FER1L6: variants seen among roughly 807,000 people sequenced by gnomAD.
FER1L6 encodes the protein fer-1 like family member 6, also known as fer-1-like protein 6.
A neutral mutation model predicts 219.2 loss-of-function variants in FER1L6; 177 were observed. The observed-to-expected ratio is 0.81, with a 90% CI of 0.71 to 0.91. The LOEUF (loss-of-function observed/expected upper bound fraction) is 0.91, where lower values mean the gene tolerates loss of function less well. FER1L6 is among the 40% of genes least tolerant of loss of function. The probability of loss-of-function intolerance (pLI) is 0.00; values close to 1 mark genes in which losing one functional copy is unlikely to be tolerated. For synonymous variants in FER1L6, 768 were observed against 824.3 expected (o/e 0.93, Z 1.17); for missense variants, 2,153 against 2,259.9 (o/e 0.95, Z 0.96).
intron 26 of FER1L6, among the ~76,000 whole-genome samples, 192 bp from the exon 27 acceptor site, chr8:124,066,236 G>GTGAA (rs762813996): frequency 2.3e-4 from 35 of 152,212 alleles, no homozygotes; most frequent in South Asian, 4.1e-4. Flanking sequence ...AAATGAATGA[G>GTGAA]TGAATGAATG....
chr8:123,861,403 A>G (rs1282967576), intron 1 of FER1L6, among the ~76,000 whole-genome samples: 1 of 149,558 alleles, frequency 6.7e-6, no homozygotes, highest in East Asian at 1.9e-4. Context: ...TATAGTTTGA[A>G]GTCAGGTGGT....
At chr8:123,878,214 C>T (rs1362846359) in intron 1 of FER1L6, among the ~76,000 whole-genome samples, 2 of 152,112 alleles carry the variant, frequency 1.3e-5, no homozygotes, top group Admixed American at 6.6e-5. Flanking sequence ...AAGACACGTG[C>T]TGTGCTGGCT....
intron 16 of FER1L6, among the ~76,000 whole-genome samples, chr8:124,020,725 C>G (rs769062559): frequency 1.9e-4 from 29 of 152,260 alleles, no homozygotes; most frequent in Non-Finnish European, 3.5e-4. Context: ...TTACTGCTTC[C>G]TCAGCTGTAA....
chr8:124,071,236 C>T (rs559067734), intron 30 of FER1L6, among the ~76,000 whole-genome samples: 1 of 152,282 alleles, frequency 6.6e-6, no homozygotes, highest in African/African-American at 2.4e-5. Flanking sequence ...ATGTAAAAGG[C>T]ACTTCGTGTC....
At chr8:124,089,436 G>C (rs1419192608) in intron 33 of FER1L6, among the ~76,000 whole-genome samples, 2 of 152,174 alleles carry the variant, frequency 1.3e-5, no homozygotes, top group African/African-American at 4.8e-5. Context: ...ACCCTCTTTA[G>C]TGCCTCTTTA....
chr8:124,022,086 C>T (rs1361248155), intron 17 of FER1L6, among the ~76,000 whole-genome samples: 1 of 152,250 alleles, frequency 6.6e-6, no homozygotes. Flanking sequence ...ATATTTGCAT[C>T]TGTCAGATAC....
chr8:123,911,661 T>C (rs1169352719), intron 1 of FER1L6, among the ~76,000 whole-genome samples: 4 of 152,162 alleles, frequency 2.6e-5, no homozygotes, highest in Non-Finnish European at 4.4e-5. Flanking sequence ...TCCTTGGAGA[T>C]TGCCTAATCT....
chr8:123,928,263 AC>A (rs1813640910), intron 1 of FER1L6, among the ~76,000 whole-genome samples: 1 of 152,068 alleles, frequency 6.6e-6, no homozygotes, highest in East Asian at 1.9e-4. Flanking sequence ...GGTAGAATGG[AC>A]CTTTGTTTTT....
chr8:124,076,534 T>C (rs1464891197), intron 32 of FER1L6, among the ~76,000 whole-genome samples: 2 of 152,234 alleles, frequency 1.3e-5, no homozygotes, highest in Non-Finnish European at 2.9e-5. Flanking sequence ...AATTTGGTGG[T>C]ACTTGGTGAT....
At chr8:123,870,852 A>G (rs1169883562) in intron 1 of FER1L6, among the ~76,000 whole-genome samples, 1 of 152,224 alleles carries the variant, frequency 6.6e-6, no homozygotes, top group African/African-American at 2.4e-5. Flanking sequence ...GACACAGAAC[A>G]TGAGAAAATA....
intron 1 of FER1L6, among the ~76,000 whole-genome samples, chr8:123,927,070 GAT>G (rs1233126873): frequency 6.6e-6 from 1 of 151,526 alleles, no homozygotes; most frequent in Admixed American, 6.6e-5. Context: ...TACTCTATGA[GAT>G]AGAGTTGGCC....
At chr8:123,971,553 G>A (rs567098745) in intron 6 of FER1L6, among the ~76,000 whole-genome samples, 1 of 152,214 alleles carries the variant, frequency 6.6e-6, no homozygotes, top group Non-Finnish European at 1.5e-5. Context: ...GAGGATCAAA[G>A]CTACCATTGC....
rs544552864 is a variant in FER1L6, at chr8:123,959,958, G to A, written c.77-3320G>A. On this transcript the variant is annotated intron_variant, in intron 2 of 40. Coordinates refer to ENST00000522917, the MANE Select transcript of FER1L6 (RefSeq NM_001039112.2). ...TTCTTGCCCAATTCTTTTGTCTTAC[G>A]GGCAAGGAAAAAAATGCCAAGAAAT... 3.3e-5 allele frequency among the ~76,000 whole-genome samples: 5 copies of A among 152,152 alleles called. No individual in the cohort carries two copies. In the South Asian group the frequency reaches 8.3e-4, roughly 25 times the overall value.
intron 22 of FER1L6, among the ~76,000 whole-genome samples, chr8:124,049,983 C>T (rs1033504423): frequency 6.6e-6 from 1 of 152,198 alleles, no homozygotes; most frequent in Non-Finnish European, 1.5e-5. Flanking sequence ...AATATTCTTG[C>T]GGGTTTGGCC....
chr8:124,087,780 A>T (rs1441684647), intron 33 of FER1L6, among the ~76,000 whole-genome samples: 2 of 152,214 alleles, frequency 1.3e-5, no homozygotes, highest in African/African-American at 2.4e-5. Flanking sequence ...TGGTCACTGC[A>T]GCCATATCTG....
At chr8:124,016,630 T>C (rs1818213463) in intron 15 of FER1L6, among the ~76,000 whole-genome samples, 1 of 152,220 alleles carries the variant, frequency 6.6e-6, no homozygotes, top group Non-Finnish European at 1.5e-5. Flanking sequence ...TCACAAATGA[T>C]ATCACACATT....
chr8:123,944,817 C>A, intron 1 of FER1L6, among the ~76,000 whole-genome samples: 1 of 152,092 alleles, frequency 6.6e-6, no homozygotes, highest in Non-Finnish European at 1.5e-5. Flanking sequence ...TGGCAAAGTG[C>A]TTGGAGGAGT....
chr8:123,947,306 T>C (rs1814545856), intron 1 of FER1L6, among the ~76,000 whole-genome samples: 4 of 151,122 alleles, frequency 2.6e-5, no homozygotes, highest in African/African-American at 9.7e-5. Context: ...GAAAAGGAAG[T>C]GATTTTAAGA....
chr8:124,065,513 C>T (rs1008548081), intron 26 of FER1L6, among the ~76,000 whole-genome samples: 8 of 151,878 alleles, frequency 5.3e-5, no homozygotes, highest in Non-Finnish European at 8.8e-5. Flanking sequence ...GACATTTGCA[C>T]GGGCTGCTCT....
Sources: allele counts gnomAD v4.1 joint callset (sites outside exome capture counted in the v4.1 genomes callset), GRCh38; gene constraint gnomAD v4.1.1; transcripts MANE v1.5; gene names NCBI Gene and HGNC (gene_info 2026-07-23, HGNC 2026-07-21).